Variants in C16orf96 observed in about 807,000 individuals in gnomAD.
C16orf96 encodes the protein chromosome 16 open reading frame 96.
A neutral mutation model predicts 103.6 loss-of-function variants in C16orf96; 108 were observed. The ratio of observed to expected loss-of-function variants is 1.04; its 90% CI spans 0.89 to 1.22. C16orf96 has a LOEUF of 1.22. C16orf96 is among the 50% of genes most tolerant of loss of function. The pLI is 0.00. For missense variants in C16orf96, 1,586 were observed against 1,464.2 expected (o/e 1.08, Z -1.36); for synonymous variants, 566 against 593.5 (o/e 0.95, Z 0.67).
Position 4,559,529 on chromosome 16 carries a change from C to T in C16orf96, c.420+2620C>T, listed in dbSNP as rs151097760. On this transcript the variant is annotated intron_variant, in intron 1 of 15. Coordinates refer to ENST00000444310, the MANE Select transcript of C16orf96 (RefSeq NM_001145011.2). Reference sequence around the variant, plus strand: ...TTGCGCCACTGCACTCCAGCCTGGGCAACAGAGCAAGACTCCATCTCAAAA... The same window carrying T: ...TTGCGCCACTGCACTCCAGCCTGGGTAACAGAGCAAGACTCCATCTCAAAA... Among the ~76,000 whole-genome samples the T allele has an allele frequency of 3.1e-3, 458 of 147,752 alleles. 3 individuals are homozygous for T. Among genetic ancestry groups the T allele is most frequent in the African/African-American group, 0.011 (423 of 39,450 alleles).
chr16:4,559,390 A>C (rs1366955457), intron 1 of C16orf96, among the ~76,000 whole-genome samples: 2 of 151,676 alleles, frequency 1.3e-5, no homozygotes, highest in Non-Finnish European at 1.5e-5. Flanking sequence ...TAAAAATAAA[A>C]ATAAAAAAAA....
In C16orf96 at chr16:4,580,125, G is replaced by A; in HGVS notation, c.2352G>A (p.Lys784=). 2 of 1,515,232 alleles carry A rather than the reference G, an allele frequency of 1.3e-6. No individual in the cohort carries two copies. The highest frequency in any genetic ancestry group is 1.8e-6 in the Non-Finnish European group (2 of 1,128,378). The allele number at this position is 1,515,232 out of a possible 1,614,324, so 93.9% of individuals were successfully genotyped here. ...ENLQIRMDEF[K]TLQAQIKRLE... is the part of the protein sequence containing the mutation. Reference sequence around the variant, plus strand: ...TGCAGATTCGCATGGATGAGTTCAAGGTTAGGAGGACTGGGTAGGCTGGAG... The same window carrying A: ...TGCAGATTCGCATGGATGAGTTCAAAGTTAGGAGGACTGGGTAGGCTGGAG... Residue 784 remains lysine (K), a splice_region_variant and synonymous_variant, in exon 7 of 16, where the codon AAG becomes AAA. Coordinates refer to ENST00000444310, the MANE Select transcript of C16orf96 (RefSeq NM_001145011.2).
At chr16:4,550,591 C>A in the C16orf96 span, among the ~76,000 whole-genome samples, 1 of 152,182 alleles carries the variant, frequency 6.6e-6, no homozygotes, top group Non-Finnish European at 1.5e-5. Context: ...TGCTGGGTAC[C>A]ATGCCACTCT....
At chr16:4,570,463 C>CTTTTTT (rs59843201) in intron 1 of C16orf96, among the ~76,000 whole-genome samples, 3 of 91,500 alleles carry the variant, frequency 3.3e-5, no homozygotes, top group Non-Finnish European at 4.6e-5. Flanking sequence ...TCACAACACG[C>CTTTTTT]TTTTTTTTTT....
Position 4,580,121 on chromosome 16 carries a change from T to G in C16orf96, c.2348T>G (p.Phe783Cys). 6.5e-7 allele frequency: 1 copy of G among 1,527,086 alleles called. No homozygotes were observed. Among genetic ancestry groups the G allele is most frequent in the Non-Finnish European group, 8.8e-7 (1 of 1,134,520 alleles). The allele number at this position is 1,527,086 out of a possible 1,614,324, so 94.6% of individuals were successfully genotyped here. A position where few individuals can be genotyped will look rare whatever the true frequency, so the allele number is the denominator to read the frequency against. ...VENLQIRMDE[F>C]KTLQAQIKRL... ...AACCTGCAGATTCGCATGGATGAGTTCAAGGTTAGGAGGACTGGGTAGGCT... is the reference window on the plus strand; with the variant it reads ...AACCTGCAGATTCGCATGGATGAGTGCAAGGTTAGGAGGACTGGGTAGGCT... Residue 783 changes from phenylalanine to cysteine, a missense_variant, in exon 7 of 16, where the codon TTC becomes TGC. Phe to Cys is a radical substitution (Grantham distance 205). Transcript: ENST00000444310.
At position 4,575,043 on chromosome 16, in the gene C16orf96, T is replaced by A; in HGVS notation, c.678T>A (p.Asp226Glu). Residue 226 changes from aspartate to glutamate, a missense_variant, in exon 4 of 16, where the codon GAT becomes GAA. Transcript: ENST00000444310. The part of the protein sequence containing the change: ...EDMVLWSGLH[D>E]AMFTSEIGSS... Reference sequence around the variant, plus strand: ...TGGTGCTCTGGAGTGGCCTTCATGATGCCATGTTCACCTCAGTGAGTGAGG... The same window carrying A: ...TGGTGCTCTGGAGTGGCCTTCATGAAGCCATGTTCACCTCAGTGAGTGAGG... 1.3e-6 allele frequency: 2 copies of A among 1,551,440 alleles called. No homozygotes were observed. The highest frequency in any genetic ancestry group is 1.7e-6 in the Non-Finnish European group (2 of 1,146,980).
chr16:4,585,060 T>A (rs1896888641), intron 7 of C16orf96, among the ~76,000 whole-genome samples: 1 of 152,010 alleles, frequency 6.6e-6, no homozygotes, highest in South Asian at 2.1e-4. Context: ...GGTGGGAGGA[T>A]CACTGGAGTC....
At chr16:4,594,854 G>C (rs1897138244) in intron 14 of C16orf96, 51 bp downstream of exon 14, 1 of 1,523,960 alleles carries the variant, frequency 6.6e-7, no homozygotes, top group South Asian at 1.2e-5. Flanking sequence ...CCCTGGTTCT[G>C]CTGGGCAGGG....
intron 1 of C16orf96, among the ~76,000 whole-genome samples, chr16:4,566,888 A>T (rs559634151): frequency 1.3e-5 from 2 of 152,100 alleles, no homozygotes; most frequent in African/African-American, 4.8e-5. Context: ...TAATAATTTG[A>T]GTCTGATTCT....
Position 4,588,296 on chromosome 16 carries a change from G to T in C16orf96, c.2557G>T (p.Ala853Ser), listed in dbSNP as rs1896976564. ...VTIHEDSWKK[A>S]MEELSKDVNT... is the part of the protein sequence containing the mutation. ...GATCCATGAGGACAGCTGGAAGAAG[G>T]CTATGGAGGAGCTCAGCAAGGACGT... Residue 853 changes from alanine to serine, a missense_variant, in exon 9 of 16, where the codon GCT becomes TCT. Ala to Ser is a moderately conservative substitution (Grantham distance 99, BLOSUM62 1). Coordinates refer to ENST00000444310, the MANE Select transcript of C16orf96 (RefSeq NM_001145011.2). The T allele has an allele frequency of 1.3e-6, 2 of 1,551,698 alleles. No homozygotes were observed. The highest frequency in any genetic ancestry group is 1.4e-5 in the African/African-American group (1 of 73,194).
intron 1 of C16orf96, among the ~76,000 whole-genome samples, chr16:4,570,021 A>G (rs1392887640): frequency 1.3e-5 from 2 of 152,170 alleles, no homozygotes; most frequent in Non-Finnish European, 2.9e-5. Context: ...TGTATCCCCT[A>G]CGTCTTAAAA....
chr16:4,550,630 C>A, the C16orf96 span, among the ~76,000 whole-genome samples: 39 of 152,280 alleles, frequency 2.6e-4, no homozygotes, highest in Admixed American at 7.2e-4. Flanking sequence ...CAACAAGGAA[C>A]CTGCAAATGT....
chr16:4,575,433 C>G lies in C16orf96; in HGVS notation c.953C>G (p.Pro318Arg). 1 of 1,549,650 alleles carries G rather than the reference C, an allele frequency of 6.5e-7. No individual in the cohort carries two copies. The highest frequency in any genetic ancestry group is 8.7e-7 in the Non-Finnish European group (1 of 1,146,946). ...QPPALTPESA[P>R]GCTTEFAPGP... The stretch of plus-strand genomic sequence containing the variant: ...CCGGCCCTCACGCCTGAGTCTGCAC[C>G]TGGGTGCACAACTGAATTTGCACCT... The change falls in exon 5 of 16, where the codon CCT becomes CGT. Residue 318 changes from proline (P) to arginine (R), a missense_variant. Transcript: ENST00000444310.
rs34497616 is a variant in C16orf96, at chr16:4,590,862, T to TAA, written c.2593-785_2593-784dup. ...GGTGAAACCCCATGTCTACTAAAAG[T>TAA]AAAAAAAAAAAAAAAAAAAATTAGT... On this transcript the variant is annotated intron_variant, in intron 9 of 15. Coordinates refer to ENST00000444310, the MANE Select transcript of C16orf96 (RefSeq NM_001145011.2). Among the ~76,000 whole-genome samples the TAA allele has an allele frequency of 5.7e-3, 531 of 92,782 alleles. 4 individuals carry two copies. Among genetic ancestry groups the TAA allele is most frequent in the African/African-American group, 0.016 (387 of 23,622 alleles). 60.9% of individuals were successfully genotyped at this position (92,782 alleles called of 152,430 possible).
intron 1 of C16orf96, among the ~76,000 whole-genome samples, chr16:4,558,163 G>A (rs751117279): frequency 7.9e-5 from 12 of 152,312 alleles, no homozygotes; most frequent in Non-Finnish European, 1.5e-4. Context: ...ACGCTCAGAG[G>A]AGCTCAGTGA....
At chr16:4,571,050 G>T (rs1260832676) in intron 1 of C16orf96, among the ~76,000 whole-genome samples, 1 of 152,126 alleles carries the variant, frequency 6.6e-6, no homozygotes, top group Admixed American at 6.6e-5. Context: ...GCTGGGCGTG[G>T]TGATGCACAC....
intron 9 of C16orf96, among the ~76,000 whole-genome samples, chr16:4,589,076 G>A (rs1896995714): frequency 6.6e-6 from 1 of 152,134 alleles, no homozygotes; most frequent in Admixed American, 6.6e-5. Flanking sequence ...ATGAATGACT[G>A]TCACAGTCCC....
intron 13 of C16orf96, 80 bp from the exon 14 acceptor site, chr16:4,594,624 C>G: frequency 6.5e-7 from 1 of 1,538,986 alleles, no homozygotes; most frequent in South Asian, 1.2e-5. Flanking sequence ...CACTCTGTCT[C>G]CTGGGCTTCT....
the C16orf96 span, among the ~76,000 whole-genome samples, chr16:4,541,982 G>A: frequency 6.6e-6 from 1 of 152,166 alleles, no homozygotes; most frequent in East Asian, 1.9e-4. Context: ...TATATGATTC[G>A]ATTGACATTT....
Sources: gnomAD v4.1 joint callset for allele counts (sites outside exome capture counted in the v4.1 genomes callset) on GRCh38, gnomAD v4.1.1 for gene constraint, MANE v1.5 for transcripts, NCBI Gene and HGNC (gene_info 2026-07-23, HGNC 2026-07-21) for gene names.